The following TXLNB variants were observed in gnomAD, a reference collection of about 807,000 sequenced individuals.
TXLNB encodes taxilin beta.
TXLNB carries 37 observed loss-of-function variants against 57.4 expected under a neutral mutation model. The ratio of observed to expected loss-of-function variants is 0.64; its 90% CI spans 0.50 to 0.85. TXLNB has a LOEUF of 0.85. Ranked by LOEUF, TXLNB falls within the 40% of genes least tolerant of loss-of-function variation. TXLNB has a pLI of 0.00. For synonymous variants in TXLNB, 302 were observed against 309.6 expected (o/e 0.98, Z 0.26); for missense variants, 848 against 825.6 (o/e 1.03, Z -0.33).
chr6:139,214,350 G>T, the TXLNB span, among the ~76,000 whole-genome samples: 1 of 152,070 alleles, frequency 6.6e-6, no homozygotes, highest in Non-Finnish European at 1.5e-5. Flanking sequence ...ACGTAATCCA[G>T]CATACAAACA....
At chr6:139,258,438 T>C (rs1219600884) in intron 6 of TXLNB, among the ~76,000 whole-genome samples, 1 of 152,200 alleles carries the variant, frequency 6.6e-6, no homozygotes, top group African/African-American at 2.4e-5. Flanking sequence ...TGAATAATAA[T>C]TGAATGTTTT....
chr6:139,313,994 A>G, the TXLNB span, among the ~76,000 whole-genome samples: 1 of 152,206 alleles, frequency 6.6e-6, no homozygotes, highest in Non-Finnish European at 1.5e-5. Flanking sequence ...TAAGACTGAC[A>G]AAGAAGACTC....
the TXLNB span, among the ~76,000 whole-genome samples, chr6:139,232,064 C>G: frequency 6.6e-6 from 1 of 152,140 alleles, no homozygotes; most frequent in Admixed American, 6.5e-5. Flanking sequence ...TGTTCTCACA[C>G]TGCTATAAAG....
the TXLNB span, among the ~76,000 whole-genome samples, chr6:139,228,841 AATAGT>A: frequency 6.6e-6 from 1 of 152,192 alleles, no homozygotes; most frequent in Non-Finnish European, 1.5e-5. Context: ...TGACAAGCCA[AATAGT>A]CTCCTGCCCC....
chr6:139,217,888 GA>G, the TXLNB span, among the ~76,000 whole-genome samples: 1 of 134,938 alleles, frequency 7.4e-6, no homozygotes, highest in South Asian at 2.4e-4. Context: ...AAAAAAAAAA[GA>G]AAAAGAAATT....
chr6:139,195,789 T>G, the TXLNB span, among the ~76,000 whole-genome samples: 1 of 152,198 alleles, frequency 6.6e-6, no homozygotes, highest in Non-Finnish European at 1.5e-5. Flanking sequence ...TGACTTTGTA[T>G]GCTAACTTGA....
intron 4 of TXLNB, among the ~76,000 whole-genome samples, chr6:139,270,241 C>T (rs1337416667): frequency 2.0e-5 from 3 of 152,130 alleles, no homozygotes; most frequent in Non-Finnish European, 4.4e-5. Context: ...TTTTTCCCAG[C>T]CACACAGTGA....
At position 139,279,490 on chromosome 6, in the gene TXLNB, A is replaced by T. The variant is rs549701131; in HGVS notation, c.425-2569T>A. On this transcript the variant is annotated intron_variant, in intron 2 of 9. Coordinates refer to ENST00000358430, the MANE Select transcript of TXLNB (RefSeq NM_153235.4). ...AAGCACTAAAACTGGAGATTAATTA[A>T]AAAAAATCCAGGAAACTGGAGATGG... Among the ~76,000 whole-genome samples the T allele has an allele frequency of 2.0e-5, 3 of 152,286 alleles. No individual in the cohort carries two copies. The South Asian group carries it at 6.2e-4, about 32-fold the overall frequency.
At chr6:139,184,122 T>G in the TXLNB span, among the ~76,000 whole-genome samples, 2 of 152,234 alleles carry the variant, frequency 1.3e-5, no homozygotes, top group Non-Finnish European at 2.9e-5. Context: ...TTTGCTACTT[T>G]GTCTCCTACG....
chr6:139,233,184 G>C, the TXLNB span, among the ~76,000 whole-genome samples: 1 of 151,552 alleles, frequency 6.6e-6, no homozygotes, highest in African/African-American at 2.4e-5. Flanking sequence ...CTAACATAAT[G>C]TTAAACTTAA....
chr6:139,209,883 A>T, the TXLNB span, among the ~76,000 whole-genome samples: 1 of 152,248 alleles, frequency 6.6e-6, no homozygotes, highest in Non-Finnish European at 1.5e-5. Flanking sequence ...TAAACCAAAA[A>T]GATTCTGCAT....
the TXLNB span, among the ~76,000 whole-genome samples, chr6:139,183,827 C>T: frequency 5.1e-4 from 78 of 152,134 alleles, no homozygotes; most frequent in African/African-American, 1.8e-3. Flanking sequence ...GCTGGAGGTT[C>T]GGTACGTGCA....
chr6:139,253,605 G>T (rs2114476557), intron 7 of TXLNB, among the ~76,000 whole-genome samples: 1 of 152,264 alleles, frequency 6.6e-6, no homozygotes, highest in East Asian at 1.9e-4. Flanking sequence ...TTGACTCAGG[G>T]ATGAATGAGG....
chr6:139,233,164 A>G, the TXLNB span, among the ~76,000 whole-genome samples: 1 of 151,866 alleles, frequency 6.6e-6, no homozygotes, highest in Admixed American at 6.6e-5. Context: ...TGTCCTCCCT[A>G]AAAGCCAAAC....
the TXLNB span, among the ~76,000 whole-genome samples, chr6:139,214,609 A>G: frequency 6.6e-6 from 1 of 152,104 alleles, no homozygotes. Flanking sequence ...ATTCAACATA[A>G]TGTTGGAAGT....
chr6:139,317,193 G>A, the TXLNB span, among the ~76,000 whole-genome samples: 1 of 151,986 alleles, frequency 6.6e-6, no homozygotes, highest in South Asian at 2.1e-4. Flanking sequence ...GTCACTGATT[G>A]GATCAAGATG....
chr6:139,262,678 G>C lies in TXLNB; in HGVS notation c.783C>G (p.Ile261Met), dbSNP rs145378382. 3.6e-5 allele frequency: 58 copies of C among 1,614,048 alleles called. No homozygotes were observed. The Middle Eastern group carries it at 6.6e-4, about 18-fold the overall frequency. Residue 261 changes from isoleucine to methionine, a missense_variant, in exon 5 of 10, where the codon ATC (isoleucine) becomes ATG (methionine). By Grantham distance (10) the Ile-to-Met change is conservative (BLOSUM62 1). Transcript: ENST00000358430. ...TCATATTTCGCTCACTCTGCTGCTC[G>C]ATCTGGCCCTGGATGTCCGTGAGGG... is the stretch of plus-strand genomic sequence containing the variant. Reference protein sequence around the residue: ...QSTLTDIQGQIEQQSERNMKL... With the variant: ...QSTLTDIQGQMEQQSERNMKL...
At chr6:139,222,872 A>G in the TXLNB span, among the ~76,000 whole-genome samples, 1 of 152,214 alleles carries the variant, frequency 6.6e-6, no homozygotes, top group East Asian at 1.9e-4. Context: ...AACTGATAGG[A>G]CCAAATTTAT....
the TXLNB span, among the ~76,000 whole-genome samples, chr6:139,309,491 A>G: frequency 6.6e-6 from 1 of 152,168 alleles, no homozygotes; most frequent in Non-Finnish European, 1.5e-5. Context: ...TGATAGGCCT[A>G]TTTGTTCTCA....
Sources: allele counts gnomAD v4.1 joint callset (sites outside exome capture counted in the v4.1 genomes callset), GRCh38; gene constraint gnomAD v4.1.1; transcripts MANE v1.5; gene names NCBI Gene and HGNC (gene_info 2026-07-23, HGNC 2026-07-21).